Variants in PATE4 observed in about 807,000 individuals in gnomAD.
PATE4 encodes the protein prostate and testis expressed protein 4.
A neutral mutation model predicts 8.5 loss-of-function variants in PATE4; 13 were observed. That is an observed-to-expected ratio of 1.53 (90% CI 1.00 to 2.43). The LOEUF (loss-of-function observed/expected upper bound fraction) is 2.43. Ranked by LOEUF, PATE4 falls within the 30% of genes most tolerant of loss-of-function variation. The pLI, the probability that PATE4 is intolerant of heterozygous loss-of-function variation, is 0.00. For synonymous variants in PATE4, 47 were observed against 39.3 expected (o/e 1.20, Z -0.73); for missense variants, 127 against 115.5 (o/e 1.10, Z -0.46).
chr11:125,837,824 G>A, intron 1 of PATE4, 44 bp from the exon 2 acceptor site: 1 of 1,424,026 alleles, frequency 7.0e-7, no homozygotes, highest in Non-Finnish European at 9.6e-7. Flanking sequence ...CTTTTCCATT[G>A]TCCCACAATC....
chr11:125,833,416 G>T lies in PATE4; in HGVS notation c.57G>T (p.Glu19Asp). The change falls in exon 1 of 3, where the codon GAG becomes GAT. Residue 19 changes from glutamate (E) to aspartate (D), a missense_variant and splice_region_variant. By Grantham distance (45) the Glu-to-Asp change is conservative (BLOSUM62 2). Transcript: ENST00000457514. The part of the protein sequence containing the change: ...LVSLSFLYLK[E>D]VMGLKCNTCI... ...GCTTATCTTTTCTCTACCTCAAAGA[G>T]GGTAAGTTTGAACAATGGGGGTGGA... 3.2e-6 allele frequency: 5 copies of T among 1,551,326 alleles called. No individual in the cohort carries two copies. The highest frequency in any genetic ancestry group is 4.4e-6 in the Non-Finnish European group (5 of 1,146,736).
At position 125,838,394 on chromosome 11, in the gene PATE4, G is replaced by A. The variant is rs1943936210; in HGVS notation, c.264G>A (p.Leu88=). The A allele has an allele frequency of 6.4e-7, 1 of 1,550,960 alleles. No homozygotes were observed. The highest frequency in any genetic ancestry group is 1.4e-5 in the African/African-American group (1 of 73,016). ...SSKRGLLRVT[L]CCDRNFCNVF ...AAAGAGGCCTGTTGAGAGTGACACT[G>A]TGCTGTGACAGAAACTTCTGTAATG... is the stretch of plus-strand genomic sequence containing the variant. The change falls in exon 3 of 3, where the codon CTG becomes CTA. Residue 88 remains leucine, a synonymous_variant. Transcript: ENST00000457514.
intron 1 of PATE4, chr11:125,835,227 A>C (rs1304475205): frequency 6.6e-6 from 1 of 152,266 alleles, no homozygotes; most frequent in Non-Finnish European, 1.5e-5. Flanking sequence ...GAAAGAGAGA[A>C]GCCTCATGAA....
intron 2 of PATE4, 121 bp downstream of exon 2, chr11:125,838,105 A>T (rs1943933368): frequency 2.0e-6 from 2 of 998,464 alleles, no homozygotes; most frequent in South Asian, 1.6e-5. Flanking sequence ...GGAATAAAAG[A>T]GGGGGCAAGA....
Position 125,838,571 on chromosome 11 carries a change from A to T in PATE4, c.*144A>T, listed in dbSNP as rs937498566. 18 of 975,236 alleles carry T rather than the reference A, an allele frequency of 1.8e-5. No homozygotes were observed. The highest frequency in any genetic ancestry group is 2.1e-5 in the Non-Finnish European group (15 of 708,696). 60.4% of individuals were successfully genotyped at this position (975,236 alleles called of 1,614,324 possible). ...TGCAGGGGCTGTCCTCATTGCAATGAAGGGGCTCCCCACACCCCACCTCCA... is the reference window on the plus strand; with the variant it reads ...TGCAGGGGCTGTCCTCATTGCAATGTAGGGGCTCCCCACACCCCACCTCCA... On this transcript the variant is annotated 3_prime_UTR_variant, in exon 3 of 3. Coordinates refer to ENST00000457514, the MANE Select transcript of PATE4 (RefSeq NM_001144874.1).
intron 1 of PATE4, among the ~76,000 whole-genome samples, chr11:125,836,449 C>A (rs1260878111): frequency 6.6e-6 from 1 of 152,184 alleles, no homozygotes; most frequent in Admixed American, 6.5e-5. Context: ...GCACAACCCA[C>A]TCCATTCTGT....
chr11:125,838,248 GTA>G, intron 2 of PATE4, 56 bp from the exon 3 acceptor site: 1 of 1,472,798 alleles, frequency 6.8e-7, no homozygotes, highest in Admixed American at 2.5e-5. Flanking sequence ...GTGAGTTTTA[GTA>G]AGTCACTAGT....
chr11:125,834,327 T>C (rs998340153), intron 1 of PATE4, among the ~76,000 whole-genome samples: 2 of 151,984 alleles, frequency 1.3e-5, no homozygotes, highest in Admixed American at 6.6e-5. Context: ...ATGCCTCCTT[T>C]AAAAAAATCA....
intron 1 of PATE4, 79 bp from the exon 2 acceptor site, chr11:125,837,789 A>C: frequency 1.0e-6 from 1 of 955,080 alleles, no homozygotes; most frequent in Admixed American, 2.2e-5. Flanking sequence ...TCAATATGCA[A>C]CCTCTTACTG....
intron 1 of PATE4, among the ~76,000 whole-genome samples, chr11:125,836,824 AC>A (rs1361514212): frequency 6.6e-6 from 1 of 152,198 alleles, no homozygotes; most frequent in Non-Finnish European, 1.5e-5. Context: ...CATGCTCAAA[AC>A]CCAGCAACTA....
rs1423249887 is a variant in PATE4 at position 125,833,365 on chromosome 11, GA to G, written c.10del (p.Met4Ter). On this transcript the variant is annotated frameshift_variant, in exon 1 of 3. Coordinates refer to ENST00000457514, the MANE Select transcript of PATE4 (RefSeq NM_001144874.1). LOFTEE classifies it high-confidence loss of function. ...GTCACCCAAACAAGCATCCAATGAG[GA>G]AAATGAACACACTGCTCCTTGTGAG... The part of the protein sequence containing the change: MR[K>X]MNTLLLVSLS... The G allele has an allele frequency of 7.7e-6, 12 of 1,551,338 alleles. No homozygotes were observed. In the South Asian group the frequency reaches 1.4e-4, roughly 18 times the overall value.
Position 125,839,676 on chromosome 11 carries a change from T to A in PATE4, c.*1249T>A, listed in dbSNP as rs886118066. 8 of 152,396 alleles carry A rather than the reference T, an allele frequency of 5.2e-5. No homozygotes were observed. The highest frequency in any genetic ancestry group is 1.9e-4 in the African/African-American group (8 of 41,560). 9.4% of individuals were successfully genotyped at this position (152,396 alleles called of 1,614,324 possible). A position where few individuals can be genotyped will look rare whatever the true frequency, so the allele number is the denominator to read the frequency against. ...AAGGTAAAAGGCATGTCTCACATAG[T>A]GACAGACAAGAGAAGAGAGATTGTG... On this transcript the variant is annotated 3_prime_UTR_variant, in exon 3 of 3. Transcript: ENST00000457514.
chr11:125,834,369 A>C (rs1193273209), intron 1 of PATE4, among the ~76,000 whole-genome samples: 1 of 152,188 alleles, frequency 6.6e-6, no homozygotes, highest in African/African-American at 2.4e-5. Context: ...TAATAGAAAA[A>C]TGGGCAAAGT....
intron 1 of PATE4, among the ~76,000 whole-genome samples, chr11:125,837,658 C>T (rs1261606890): frequency 1.3e-5 from 2 of 152,188 alleles, no homozygotes; most frequent in African/African-American, 4.8e-5. Context: ...TATAAATGGA[C>T]CCTATTCAGG....
rs1224804129 is a variant in PATE4, at chr11:125,839,465, G to A, written c.*1038G>A. ...AGCAATCAAACATGATGTCCTAATA[G>A]CTCAATTTATCAGTTCCTCATTAGC... On this transcript the variant is annotated 3_prime_UTR_variant, in exon 3 of 3. Coordinates refer to ENST00000457514, the MANE Select transcript of PATE4 (RefSeq NM_001144874.1). 1 of 152,192 alleles carries A rather than the reference G, an allele frequency of 6.6e-6. No individual in the cohort carries two copies. The highest frequency in any genetic ancestry group is 2.4e-5 in the African/African-American group (1 of 41,442). The allele number at this position is 152,192 out of a possible 1,614,324, so 9.4% of individuals were successfully genotyped here.
chr11:125,839,189 T>C lies in PATE4; in HGVS notation c.*762T>C, dbSNP rs1320681392. 6.6e-6 allele frequency: 1 copy of C among 152,168 alleles called. No individual in the cohort carries two copies. The highest frequency in any genetic ancestry group is 1.5e-5 in the Non-Finnish European group (1 of 68,036). The allele number at this position is 152,168 out of a possible 1,614,324, so 9.4% of individuals were successfully genotyped here. A position where few individuals can be genotyped will look rare whatever the true frequency, so the allele number is the denominator to read the frequency against. On this transcript the variant is annotated 3_prime_UTR_variant, in exon 3 of 3. Transcript: ENST00000457514. ...TTGCAATAATTTATTATAGCAGCAA[T>C]GGGAAACTAATACAATCCAAATAAA...
chr11:125,838,666 C>A lies in PATE4; in HGVS notation c.*239C>A. 2 of 409,252 alleles carry A rather than the reference C, an allele frequency of 4.9e-6. No individual in the cohort carries two copies. Among genetic ancestry groups the A allele is most frequent in the Non-Finnish European group, 8.6e-6 (2 of 233,134 alleles). 25.4% of individuals were successfully genotyped at this position (409,252 alleles called of 1,614,324 possible). On this transcript the variant is annotated 3_prime_UTR_variant, in exon 3 of 3. Coordinates refer to ENST00000457514, the MANE Select transcript of PATE4 (RefSeq NM_001144874.1). ...TGAGCTATGCTTATTCTTTTGTCTTCTACTCCTGATTTCTGATTTCTATCC... is the reference window on the plus strand; with the variant it reads ...TGAGCTATGCTTATTCTTTTGTCTTATACTCCTGATTTCTGATTTCTATCC...
At chr11:125,836,557 C>A (rs1238575756) in intron 1 of PATE4, among the ~76,000 whole-genome samples, 2 of 152,170 alleles carry the variant, frequency 1.3e-5, no homozygotes, top group Admixed American at 1.3e-4. Context: ...CCATACCACA[C>A]CACCCACTTA....
At chr11:125,836,966 T>A (rs538433310) in intron 1 of PATE4, among the ~76,000 whole-genome samples, 1 of 152,322 alleles carries the variant, frequency 6.6e-6, no homozygotes, top group Admixed American at 6.5e-5. Flanking sequence ...GGATTTATCA[T>A]TAAGAGGTCG....
Sources: allele counts gnomAD v4.1 joint callset (sites outside exome capture counted in the v4.1 genomes callset), GRCh38; gene constraint gnomAD v4.1.1; transcripts MANE v1.5; gene names NCBI Gene and HGNC (gene_info 2026-07-23, HGNC 2026-07-21).